The following FAM107B variants were observed in gnomAD, a reference collection of about 807,000 sequenced individuals.
FAM107B encodes the protein protein FAM107B.
Under a neutral mutation model 31.5 loss-of-function variants are expected in FAM107B, and 21 were observed. The ratio of observed to expected loss-of-function variants is 0.67; its 90% CI spans 0.47 to 0.96. The LOEUF is 0.96. FAM107B is among the 40% of genes least tolerant of loss of function. The pLI, the probability that FAM107B is intolerant of heterozygous loss-of-function variation, is 0.00. For synonymous variants in FAM107B, 157 were observed against 141.5 expected, an observed-to-expected ratio of 1.11 and a Z score of -0.78; for missense variants, 452 against 377.1, an observed-to-expected ratio of 1.20 and a Z score of -1.64.
Position 14,528,695 on chromosome 10 carries a change from A to G in FAM107B, c.653+1637T>C, listed in dbSNP as rs539267347. On this transcript the variant is annotated intron_variant, in intron 3 of 4. Coordinates refer to ENST00000181796, the MANE Select transcript of FAM107B (RefSeq NM_031453.4). ...ACCCAGCATTGTCTCAGGTTAGTTGAGCTGGGCAAACAAGGAGAAGAACAG... is the reference window on the plus strand; with the variant it reads ...ACCCAGCATTGTCTCAGGTTAGTTGGGCTGGGCAAACAAGGAGAAGAACAG... Among the ~76,000 whole-genome samples the G allele has an allele frequency of 3.6e-4, 55 of 152,216 alleles. 1 individual carries two copies. The South Asian group carries it at 0.011, about 31-fold the overall frequency.
At chr10:14,704,283 G>GTGTGTGTGTC (rs1184469183) in intron 1 of FAM107B, among the ~76,000 whole-genome samples, 4 of 151,928 alleles carry the variant, frequency 2.6e-5, no homozygotes, top group Non-Finnish European at 5.9e-5. Flanking sequence ...GTGTGTGTGT[G>GTGTGTGTGTC]TGTGTGTGTG....
chr10:14,618,164 T>C lies in FAM107B; in HGVS notation c.469+49470A>G, dbSNP rs1852901441. ...ATGCAACATGAAGGGTATTATACAG[T>C]TCAGTCTCCTTCAGGGCTGCTTTCA... On this transcript the variant is annotated intron_variant, in intron 2 of 4. Coordinates refer to ENST00000181796, the MANE Select transcript of FAM107B (RefSeq NM_031453.4). Among the ~76,000 whole-genome samples the C allele has an allele frequency of 4.6e-5, 7 of 152,210 alleles. No homozygotes were observed. In the South Asian group the frequency reaches 1.4e-3, roughly 31 times the overall value.
intron 2 of FAM107B, among the ~76,000 whole-genome samples, chr10:14,599,179 C>T (rs1487589370): frequency 2.6e-5 from 4 of 152,142 alleles, no homozygotes; most frequent in South Asian, 2.1e-4. Context: ...CTTGTTTCTA[C>T]GGGAGACTTG....
intron 1 of FAM107B, among the ~76,000 whole-genome samples, chr10:14,677,592 G>C (rs1246972073): frequency 6.6e-6 from 1 of 152,002 alleles, no homozygotes; most frequent in Non-Finnish European, 1.5e-5. Context: ...CTGCACTCCA[G>C]CCTGGGCGAC....
intron 2 of FAM107B, among the ~76,000 whole-genome samples, chr10:14,547,493 C>CT (rs1302812259): frequency 6.6e-6 from 1 of 152,184 alleles, no homozygotes; most frequent in Non-Finnish European, 1.5e-5. Context: ...TTGAGCATCC[C>CT]TTATCCGAAA....
Position 14,548,899 on chromosome 10 carries a change from A to G in FAM107B, c.470-18384T>C, listed in dbSNP as rs973597910. 3.3e-5 allele frequency among the ~76,000 whole-genome samples: 5 copies of G among 151,930 alleles called. No homozygotes were observed. The East Asian group carries it at 9.7e-4, about 29-fold the overall frequency. On this transcript the variant is annotated intron_variant, in intron 2 of 4. Coordinates refer to ENST00000181796, the MANE Select transcript of FAM107B (RefSeq NM_031453.4). ...TTCCTATGTTGAAGCCCTAACCCCC[A>G]AAGTGACAGTATTTGGAGGTGGGAC...
chr10:14,766,866 T>G (rs2131596149), intron 1 of FAM107B, among the ~76,000 whole-genome samples: 1 of 150,250 alleles, frequency 6.7e-6, no homozygotes, highest in Non-Finnish European at 1.5e-5. Flanking sequence ...CACTGGTGAA[T>G]TCTACCATAC....
chr10:14,652,381 C>A (rs1362074412), intron 2 of FAM107B, among the ~76,000 whole-genome samples: 2 of 152,178 alleles, frequency 1.3e-5, no homozygotes, highest in Admixed American at 6.5e-5. Flanking sequence ...GAGAAATTCT[C>A]AACTCTGTCC....
chr10:14,541,968 T>A (rs1194527890), intron 2 of FAM107B, among the ~76,000 whole-genome samples: 1 of 152,088 alleles, frequency 6.6e-6, no homozygotes, highest in Non-Finnish European at 1.5e-5. Flanking sequence ...TAAAACGTAC[T>A]GAATGGGCCG....
chr10:14,580,530 G>C (rs1373240142), intron 2 of FAM107B, among the ~76,000 whole-genome samples: 5 of 151,952 alleles, frequency 3.3e-5, no homozygotes, highest in Non-Finnish European at 1.5e-5. Context: ...AAAAAAATAA[G>C]TATCCATCTT....
intron 2 of FAM107B, among the ~76,000 whole-genome samples, chr10:14,534,533 G>A (rs1177892772): frequency 3.9e-5 from 6 of 152,108 alleles, no homozygotes; most frequent in African/African-American, 9.7e-5. Flanking sequence ...TTCCGATCAA[G>A]CTGAAACAAA....
In FAM107B at chr10:14,654,472, C is replaced by G. The variant is rs532930943; in HGVS notation, c.469+13162G>C. 3.9e-5 allele frequency among the ~76,000 whole-genome samples: 6 copies of G among 152,034 alleles called. No homozygotes were observed. In the South Asian group the frequency reaches 1.0e-3, roughly 26 times the overall value. ...GGTCTTTAGTAACATATTGCTGTTG[C>G]GTTTTATTATCTCTTGCTCTCATCA... On this transcript the variant is annotated intron_variant, in intron 2 of 4. Coordinates refer to ENST00000181796, the MANE Select transcript of FAM107B (RefSeq NM_031453.4).
At chr10:14,606,387 C>T (rs1482179910) in intron 2 of FAM107B, among the ~76,000 whole-genome samples, 4 of 152,148 alleles carry the variant, frequency 2.6e-5, no homozygotes, top group Admixed American at 6.5e-5. Flanking sequence ...CGTTATTGCA[C>T]TGTATCGTAA....
chr10:14,691,897 A>C (rs1173689446), intron 1 of FAM107B, among the ~76,000 whole-genome samples: 3 of 150,704 alleles, frequency 2.0e-5, no homozygotes, highest in African/African-American at 7.3e-5. Flanking sequence ...CTGTCACAAA[A>C]AAAAAAAAAA....
chr10:14,643,832 C>T (rs997050065), intron 2 of FAM107B, among the ~76,000 whole-genome samples: 2 of 152,188 alleles, frequency 1.3e-5, no homozygotes, highest in South Asian at 2.1e-4. Context: ...CTCAAGTTAT[C>T]ACATAAAACT....
rs1371762941 is a variant in FAM107B, at chr10:14,604,430, A to C, written c.469+63204T>G. On this transcript the variant is annotated intron_variant, in intron 2 of 4. Coordinates refer to ENST00000181796, the MANE Select transcript of FAM107B (RefSeq NM_031453.4). Reference sequence around the variant, plus strand: ...CCCCGCGGCCCCGCGCGTCCGAATTAAGCGGCGGGGCGGGGAGGGGCGGGG... The same window carrying C: ...CCCCGCGGCCCCGCGCGTCCGAATTCAGCGGCGGGGCGGGGAGGGGCGGGG... 6.9e-5 allele frequency: 12 copies of C among 174,924 alleles called. No individual in the cohort carries two copies. The South Asian group carries it at 2.1e-3, about 30-fold the overall frequency. The allele number at this position is 174,924 out of a possible 1,614,324, so 10.8% of individuals were successfully genotyped here. A position where few individuals can be genotyped will look rare whatever the true frequency, so the allele number is the denominator to read the frequency against.
chr10:14,768,397 T>A (rs1833229347), intron 1 of FAM107B, among the ~76,000 whole-genome samples: 1 of 152,204 alleles, frequency 6.6e-6, no homozygotes, highest in African/African-American at 2.4e-5. Flanking sequence ...ATTTCAAAGT[T>A]CACTACAAAA....
intron 1 of FAM107B, among the ~76,000 whole-genome samples, chr10:14,705,948 T>C (rs767220778): frequency 6.6e-6 from 1 of 152,116 alleles, no homozygotes; most frequent in Non-Finnish European, 1.5e-5. Context: ...CAGGGCAAAT[T>C]TCTAAATTCC....
intron 1 of FAM107B, among the ~76,000 whole-genome samples, chr10:14,706,351 C>G (rs865975264): frequency 6.6e-6 from 1 of 152,092 alleles, no homozygotes; most frequent in African/African-American, 2.4e-5. Flanking sequence ...CCTCAGCCCC[C>G]CAAGTAGCTG....
Sources: allele counts gnomAD v4.1 joint callset (sites outside exome capture counted in the v4.1 genomes callset), GRCh38; gene constraint gnomAD v4.1.1; transcripts MANE v1.5; gene names NCBI Gene and HGNC (gene_info 2026-07-23, HGNC 2026-07-21).